AP2A2: variants seen among roughly 807,000 people sequenced by gnomAD.
AP2A2 encodes adaptor related protein complex 2 subunit alpha 2.
Under a neutral mutation model 104.2 loss-of-function variants are expected in AP2A2, and 32 were observed. The observed-to-expected ratio is 0.31, with a 90% confidence interval of 0.23 to 0.41. The LOEUF (loss-of-function observed/expected upper bound fraction) is 0.41, where lower values mean the gene tolerates loss of function less well. Among genes scored for constraint, AP2A2 ranks in the 10% least tolerant of loss-of-function variants. The pLI is 1.00. For synonymous variants in AP2A2, 539 were observed against 533.3 expected, an observed-to-expected ratio of 1.01 and a Z score of -0.15; for missense variants, 912 against 1,261.0, an observed-to-expected ratio of 0.72 and a Z score of 4.19.
chr11:955,081 TTGGG>T (rs1223818124), intron 1 of AP2A2, among the ~76,000 whole-genome samples: 2 of 152,148 alleles, frequency 1.3e-5, no homozygotes, highest in Non-Finnish European at 2.9e-5. Context: ...TCCCTGGTGT[TTGGG>T]TGGGTAAAGT....
chr11:981,555 A>C (rs1855242652), intron 6 of AP2A2, among the ~76,000 whole-genome samples: 1 of 152,208 alleles, frequency 6.6e-6, no homozygotes, highest in Admixed American at 6.5e-5. Flanking sequence ...CGTGTCCCCC[A>C]CTGGGGAAGC....
rs552899823 is a variant in AP2A2 at position 940,484 on chromosome 11, G to A, written c.67+14396G>A. Reference sequence around the variant, plus strand: ...TCTGCCTTTCGCGTTCTGTTTCCACGACTCTCAAGTTTGTCCTCTAGCCCT... The same window carrying A: ...TCTGCCTTTCGCGTTCTGTTTCCACAACTCTCAAGTTTGTCCTCTAGCCCT... On this transcript the variant is annotated intron_variant, in intron 1 of 21. Coordinates refer to ENST00000448903, the MANE Select transcript of AP2A2 (RefSeq NM_012305.4). 2.2e-4 allele frequency among the ~76,000 whole-genome samples: 33 copies of A among 152,092 alleles called. 1 individual carries two copies. The highest frequency in any genetic ancestry group is 6.8e-4 in the African/African-American group (28 of 41,468).
intron 1 of AP2A2, among the ~76,000 whole-genome samples, chr11:952,850 G>T (rs1241974833): frequency 6.6e-6 from 1 of 152,122 alleles, no homozygotes; most frequent in East Asian, 1.9e-4. Context: ...TGCTAGATCT[G>T]TTCCCGGCAC....
chr11:934,908 G>T (rs1853402315), intron 1 of AP2A2, among the ~76,000 whole-genome samples: 1 of 151,544 alleles, frequency 6.6e-6, no homozygotes, highest in African/African-American at 2.4e-5. Context: ...ACCCAGGCTG[G>T]AGTGCAGTGG....
At chr11:957,681 G>A (rs1854283331) in intron 1 of AP2A2, among the ~76,000 whole-genome samples, 2 of 152,234 alleles carry the variant, frequency 1.3e-5, no homozygotes, top group Non-Finnish European at 2.9e-5. Context: ...TATGCAAGTG[G>A]ACTTGTCAGA....
intron 6 of AP2A2, 44 bp from the exon 7 acceptor site, chr11:984,601 G>C (rs1389431434): frequency 6.7e-7 from 1 of 1,498,128 alleles, no homozygotes; most frequent in Non-Finnish European, 9.3e-7. Context: ...CGCAGTAGGG[G>C]CTCGTGTCCG....
chr11:949,459 T>G (rs1853962458), intron 1 of AP2A2, among the ~76,000 whole-genome samples: 1 of 152,148 alleles, frequency 6.6e-6, no homozygotes, highest in African/African-American at 2.4e-5. Flanking sequence ...TGCTAGCCAG[T>G]TGAATCCAGC....
chr11:994,906 C>T lies in AP2A2; in HGVS notation c.1956+661C>T, dbSNP rs1278179334. Among the ~76,000 whole-genome samples, 73 of 126,222 alleles carry T rather than the reference C, an allele frequency of 5.8e-4. 1 individual carries two copies. Among genetic ancestry groups the T allele is most frequent in the African/African-American group, 1.2e-3 (42 of 34,080 alleles). The allele number at this position is 126,222 out of a possible 152,430, so 82.8% of individuals were successfully genotyped here. A position where few individuals can be genotyped will look rare whatever the true frequency, so the allele number is the denominator to read the frequency against. The stretch of plus-strand genomic sequence containing the variant: ...CCCGGGGGCCACTGTCCCTGCTGGA[C>T]GCCCCCCTGGCCTGTCCTGGGGGCC... On this transcript the variant is annotated intron_variant, in intron 14 of 21. Transcript: ENST00000448903.
At chr11:941,883 G>A (rs1384258270) in intron 1 of AP2A2, among the ~76,000 whole-genome samples, 3 of 151,716 alleles carry the variant, frequency 2.0e-5, no homozygotes, top group Non-Finnish European at 4.4e-5. Flanking sequence ...CACCATGCCC[G>A]GCCTCTCATG....
intron 10 of AP2A2, among the ~76,000 whole-genome samples, chr11:990,745 C>T (rs1219723808): frequency 7.1e-6 from 1 of 140,178 alleles, no homozygotes; most frequent in Non-Finnish European, 1.6e-5. Flanking sequence ...GCTCCCCCCA[C>T]CCCATCCTTT....
At chr11:983,026 T>C (rs1176181347) in intron 6 of AP2A2, among the ~76,000 whole-genome samples, 11 of 144,924 alleles carry the variant, frequency 7.6e-5, no homozygotes, top group African/African-American at 2.8e-4. Context: ...TCTTTTTTTT[T>C]TTTTTTTTTT....
At chr11:984,011 C>T (rs1489711908) in intron 6 of AP2A2, among the ~76,000 whole-genome samples, 4 of 152,136 alleles carry the variant, frequency 2.6e-5, no homozygotes, top group Non-Finnish European at 4.4e-5. Context: ...GGTTCACTTA[C>T]GGCCTAAAAG....
chr11:930,555 C>T (rs1853257299), intron 1 of AP2A2, among the ~76,000 whole-genome samples: 1 of 151,584 alleles, frequency 6.6e-6, no homozygotes, highest in South Asian at 2.1e-4. Context: ...GAGTTGCGCT[C>T]TGTCGCCCAG....
In AP2A2 at chr11:984,682, C is replaced by G; in HGVS notation, c.743C>G (p.Thr248Ser). The change falls in exon 7 of 22, where the codon ACT (threonine) becomes AGT (serine). Residue 248 changes from threonine to serine, a missense_variant. Physicochemically the swap from Thr to Ser is moderately conservative, Grantham distance 58 (BLOSUM62 1). Coordinates refer to ENST00000448903, the MANE Select transcript of AP2A2 (RefSeq NM_012305.4). ...GCATCCACAGATCTCCAGGATTACA[C>G]TTACTATTTTGTCCCGGCTCCCTGG... ...TSASTDLQDY[T>S]YYFVPAPWLS... 6.2e-7 allele frequency: 1 copy of G among 1,613,642 alleles called. No homozygotes were observed. The highest frequency in any genetic ancestry group is 8.5e-7 in the Non-Finnish European group (1 of 1,179,724).
chr11:1,000,527 C>T lies in AP2A2; in HGVS notation c.2052C>T (p.Leu684=), dbSNP rs1171026643. The T allele has an allele frequency of 6.5e-6, 10 of 1,545,130 alleles. No individual in the cohort carries two copies. The highest frequency in any genetic ancestry group is 1.2e-5 in the South Asian group (1 of 84,494). Residue 684 remains leucine, a synonymous_variant, in exon 15 of 22, where the codon CTC becomes CTT. Transcript: ENST00000448903. The part of the protein sequence containing the change: ...PPPSSGGSGL[L]VDVFSDSASV... ...CCTCCTCCGGCGGCAGCGGGCTGCT[C>T]GTGGACGTGTTCTCAGACTCGGCCT...
intron 6 of AP2A2, among the ~76,000 whole-genome samples, chr11:983,675 A>ATG (rs1855349002): frequency 6.6e-6 from 1 of 152,020 alleles, no homozygotes; most frequent in Non-Finnish European, 1.5e-5. Flanking sequence ...GAGCCACCGC[A>ATG]CCTGGCCTAG....
intron 1 of AP2A2, among the ~76,000 whole-genome samples, chr11:937,753 G>A (rs1469506194): frequency 6.6e-6 from 1 of 152,238 alleles, no homozygotes; most frequent in African/African-American, 2.4e-5. Flanking sequence ...CTTGATGTAC[G>A]ATTTCTACTG....
At chr11:930,120 C>CAAAAAAA (rs1157025547) in intron 1 of AP2A2, among the ~76,000 whole-genome samples, 1 of 52,006 alleles carries the variant, frequency 1.9e-5, no homozygotes, top group Non-Finnish European at 3.9e-5. Flanking sequence ...GACTCTGTCT[C>CAAAAAAA]AAAAAAAAAA....
Position 941,189 on chromosome 11 carries a change from C to T in AP2A2, c.67+15101C>T, listed in dbSNP as rs549326799. 1.6e-4 allele frequency among the ~76,000 whole-genome samples: 24 copies of T among 152,302 alleles called. No individual in the cohort carries two copies. The East Asian group carries it at 3.1e-3, about 20-fold the overall frequency. On this transcript the variant is annotated intron_variant, in intron 1 of 21. Transcript: ENST00000448903. ...GGTTCCTTTCATTCCCAAGCCTTTTCGGGTTCTCTGTTCGAGACGGTTTGC... is the reference window on the plus strand; with the variant it reads ...GGTTCCTTTCATTCCCAAGCCTTTTTGGGTTCTCTGTTCGAGACGGTTTGC...
Sources: allele counts gnomAD v4.1 joint callset (sites outside exome capture counted in the v4.1 genomes callset), GRCh38; gene constraint gnomAD v4.1.1; transcripts MANE v1.5; gene names NCBI Gene and HGNC (gene_info 2026-07-23, HGNC 2026-07-21).